Variants in CNTLN observed in about 807,000 individuals in gnomAD.
CNTLN encodes centlein, centrosomal protein.
CNTLN carries 212 observed loss-of-function variants against 180.0 expected under a neutral mutation model. The ratio of observed to expected loss-of-function variants is 1.18; its 90% CI spans 1.05 to 1.32. The LOEUF (loss-of-function observed/expected upper bound fraction) is 1.32, where lower values mean the gene tolerates loss of function less well. CNTLN is among the 40% of genes most tolerant of loss of function. The pLI, the probability that CNTLN is intolerant of heterozygous loss-of-function variation, is 0.00. For missense variants in CNTLN, 2,095 were observed against 1,610.9 expected, an observed-to-expected ratio of 1.30 and a Z score of -5.14; for synonymous variants, 722 against 563.1, an observed-to-expected ratio of 1.28 and a Z score of -3.99.
intron 8 of CNTLN, among the ~76,000 whole-genome samples, chr9:17,310,671 A>C (rs1819070062): frequency 6.6e-6 from 1 of 152,186 alleles, no homozygotes; most frequent in South Asian, 2.1e-4. Context: ...TGGTTTTATC[A>C]GTTTTACTAC....
At chr9:17,478,465 A>C (rs1832470257) in intron 23 of CNTLN, among the ~76,000 whole-genome samples, 1 of 152,116 alleles carries the variant, frequency 6.6e-6, no homozygotes, top group Non-Finnish European at 1.5e-5. Context: ...TCATTTCTAA[A>C]AAAATCATTG....
At chr9:17,430,653 C>T (rs758122285) in intron 18 of CNTLN, among the ~76,000 whole-genome samples, 5 of 152,034 alleles carry the variant, frequency 3.3e-5, no homozygotes, top group Non-Finnish European at 7.4e-5. Context: ...CTTATTCCTT[C>T]TATGTAACTG....
At chr9:17,307,342 C>T (rs1297587393) in intron 7 of CNTLN, among the ~76,000 whole-genome samples, 4 of 152,100 alleles carry the variant, frequency 2.6e-5, no homozygotes, top group African/African-American at 9.7e-5. Context: ...AATCTCGGCT[C>T]ACTGCAGCCT....
At position 17,464,523 on chromosome 9, in the gene CNTLN, C is replaced by G. The variant is rs757062541; in HGVS notation, c.3431C>G (p.Thr1144Ser). 1 of 1,522,936 alleles carries G rather than the reference C, an allele frequency of 6.6e-7. No individual in the cohort carries two copies. Among genetic ancestry groups the G allele is most frequent in the South Asian group, 1.3e-5 (1 of 77,442 alleles). 94.3% of individuals were successfully genotyped at this position (1,522,936 alleles called of 1,614,324 possible). A position where few individuals can be genotyped will look rare whatever the true frequency, so the allele number is the denominator to read the frequency against. Reference protein sequence around the residue: ...EKISRMERDITMKRHLIEDLK... With the variant: ...EKISRMERDISMKRHLIEDLK... ...ATATCTCGAATGGAGAGGGATATAA[C>G]TATGAAAAGACATTTGATAGAGGAC... The change falls in exon 21 of 26, where the codon ACT becomes AGT. Residue 1144 changes from threonine (T) to serine (S), a missense_variant. Thr to Ser is a moderately conservative substitution (Grantham distance 58). Coordinates refer to ENST00000380647, the MANE Select transcript of CNTLN (RefSeq NM_017738.4).
chr9:17,359,802 A>C (rs1388812711), intron 12 of CNTLN, among the ~76,000 whole-genome samples: 1 of 143,844 alleles, frequency 7.0e-6, no homozygotes, highest in Admixed American at 7.2e-5. Context: ...CAGGAGGCTG[A>C]GGCAGGAGAA....
At chr9:17,490,660 C>T (rs1017819029) in intron 25 of CNTLN, among the ~76,000 whole-genome samples, 26 of 152,018 alleles carry the variant, frequency 1.7e-4, no homozygotes, top group African/African-American at 6.3e-4. Context: ...GTGATGGCTG[C>T]ACAATTTTGC....
At chr9:17,250,422 A>G (rs1226691247) in intron 5 of CNTLN, among the ~76,000 whole-genome samples, 1 of 151,654 alleles carries the variant, frequency 6.6e-6, no homozygotes, top group Admixed American at 6.6e-5. Context: ...ACAGCTTTTT[A>G]TGTCTCTCAT....
intron 2 of CNTLN, among the ~76,000 whole-genome samples, chr9:17,186,456 T>C (rs1313301464): frequency 6.6e-6 from 1 of 152,234 alleles, no homozygotes; most frequent in African/African-American, 2.4e-5. Context: ...TTGTTAACTC[T>C]AAGGTTATCA....
chr9:17,442,278 A>C (rs752242306), intron 18 of CNTLN, among the ~76,000 whole-genome samples: 1 of 152,216 alleles, frequency 6.6e-6, no homozygotes, highest in Non-Finnish European at 1.5e-5. Flanking sequence ...GGCCAAAAAC[A>C]TACCTTAAAT....
chr9:17,196,793 C>T (rs1822161717), intron 2 of CNTLN, among the ~76,000 whole-genome samples: 1 of 151,926 alleles, frequency 6.6e-6, no homozygotes, highest in Admixed American at 6.6e-5. Flanking sequence ...GCATACAATG[C>T]ATAATGATCC....
At position 17,388,202 on chromosome 9, in the gene CNTLN, G is replaced by C. The variant is rs766397320; in HGVS notation, c.2028G>C (p.Arg676Ser). Residue 676 changes from arginine (R) to serine (S), a missense_variant, in exon 14 of 26, where the codon AGG (arginine) becomes AGC (serine). Arg to Ser is a moderately radical substitution (Grantham distance 110, BLOSUM62 -1). Transcript: ENST00000380647. ...CTGGTGAAGATGATGAGGTCAAGAG[G>C]AGTACTCCAGAGAAGAATGGAAAAG... ...FRSGEDDEVKRSTPEKNGKEM... is the reference protein window; with the variant it reads ...FRSGEDDEVKSSTPEKNGKEM... The C allele has an allele frequency of 2.5e-6, 4 of 1,612,378 alleles. No individual in the cohort carries two copies. Among genetic ancestry groups the C allele is most frequent in the Non-Finnish European group, 3.4e-6 (4 of 1,178,954 alleles).
intron 3 of CNTLN, among the ~76,000 whole-genome samples, chr9:17,233,129 C>T (rs1824914590): frequency 6.6e-6 from 1 of 152,032 alleles, no homozygotes; most frequent in Non-Finnish European, 1.5e-5. Context: ...TTAGCAATTT[C>T]ACTTTTAAGT....
chr9:17,359,739 A>AC (rs1823184433), intron 12 of CNTLN, among the ~76,000 whole-genome samples: 1 of 120,018 alleles, frequency 8.3e-6, no homozygotes, highest in Admixed American at 8.7e-5. Flanking sequence ...AAAAAAAAAA[A>AC]AAAAAAAAAA....
At chr9:17,344,284 G>A (rs553519913) in intron 12 of CNTLN, among the ~76,000 whole-genome samples, 115 of 152,238 alleles carry the variant, frequency 7.6e-4, no homozygotes, top group African/African-American at 2.6e-3. Context: ...ATTAAATGCC[G>A]TGTCATTCTT....
intron 2 of CNTLN, among the ~76,000 whole-genome samples, chr9:17,160,311 A>G (rs926284171): frequency 3.9e-5 from 6 of 152,068 alleles, no homozygotes; most frequent in Non-Finnish European, 7.4e-5. Context: ...TTGTCGTGCC[A>G]TGTCTAATTC....
At chr9:17,456,629 A>G (rs1466286689) in intron 18 of CNTLN, among the ~76,000 whole-genome samples, 6 of 152,140 alleles carry the variant, frequency 3.9e-5, no homozygotes, top group Non-Finnish European at 7.4e-5. Context: ...TTGGAATTTC[A>G]ACAAAGAAAG....
chr9:17,215,928 T>C (rs1823721250), intron 2 of CNTLN, among the ~76,000 whole-genome samples: 1 of 152,110 alleles, frequency 6.6e-6, no homozygotes, highest in Admixed American at 6.6e-5. Context: ...GGGAGTGACC[T>C]GATTTTCCAG....
At chr9:17,363,363 TC>T (rs1394058786) in intron 12 of CNTLN, among the ~76,000 whole-genome samples, 1 of 152,150 alleles carries the variant, frequency 6.6e-6, no homozygotes, top group Non-Finnish European at 1.5e-5. Context: ...TTCCTGTTTC[TC>T]CACATCCTCT....
At chr9:17,330,580 A>C in intron 8 of CNTLN, 52 bp from the exon 9 acceptor site, 1 of 948,688 alleles carries the variant, frequency 1.1e-6, no homozygotes, top group Non-Finnish European at 1.5e-6. Context: ...ATTTATAAAT[A>C]ATGTAAGATA....
Sources: gnomAD v4.1 joint callset for allele counts (sites outside exome capture counted in the v4.1 genomes callset) on GRCh38, gnomAD v4.1.1 for gene constraint, MANE v1.5 for transcripts, NCBI Gene and HGNC (gene_info 2026-07-23, HGNC 2026-07-21) for gene names.